LARGE1: variants seen among roughly 807,000 people sequenced by gnomAD.
The protein encoded by LARGE1 is LARGE xylosyl- and glucuronyltransferase 1.
LARGE1 carries 43 observed loss-of-function variants against 87.6 expected under a neutral mutation model. That is an observed-to-expected ratio of 0.49 (90% confidence interval 0.38 to 0.63). The LOEUF is 0.63. Among genes scored for constraint, LARGE1 ranks in the 30% least tolerant of loss-of-function variants. LARGE1 has a pLI of 0.00. For synonymous variants in LARGE1, 434 were observed against 394.6 expected (o/e 1.10, Z -1.18); for missense variants, 802 against 1,000.2 (o/e 0.80, Z 2.67).
chr22:33,609,752 T>C (rs915303673), intron 4 of LARGE1, among the ~76,000 whole-genome samples: 1 of 152,120 alleles, frequency 6.6e-6, no homozygotes, highest in Non-Finnish European at 1.5e-5. Flanking sequence ...AGGTGAGGCC[T>C]GATGGTTAGT....
At chr22:33,245,478 G>C (rs546809212) in intron 11 of LARGE1, among the ~76,000 whole-genome samples, 8 of 152,348 alleles carry the variant, frequency 5.3e-5, no homozygotes, top group Admixed American at 2.6e-4. Context: ...GCTTTGACTG[G>C]ACCATTTCTA....
chr22:33,392,864 G>GT (rs1404266131), intron 7 of LARGE1, among the ~76,000 whole-genome samples: 3 of 152,162 alleles, frequency 2.0e-5, no homozygotes, highest in South Asian at 4.1e-4. Flanking sequence ...CAAAATTCCC[G>GT]TGAGTGTGAA....
At position 33,864,491 on chromosome 22, in the gene LARGE1, G is replaced by A. The variant is rs547158575; in HGVS notation, c.-83+55504C>T. On this transcript the variant is annotated intron_variant, in intron 1 of 14. Coordinates refer to ENST00000397394, the MANE Select transcript of LARGE1 (RefSeq NM_133642.5). Reference sequence around the variant, plus strand: ...TGCAGGTGGCCTTGGAGTGGAGAGCGCCTAAGTCTTCTTCCTTTACTTGTT... The same window carrying A: ...TGCAGGTGGCCTTGGAGTGGAGAGCACCTAAGTCTTCTTCCTTTACTTGTT... Among the ~76,000 whole-genome samples the A allele has an allele frequency of 5.9e-5, 9 of 152,280 alleles. No homozygotes were observed. In the South Asian group the frequency reaches 1.7e-3, roughly 28 times the overall value.
intron 6 of LARGE1, among the ~76,000 whole-genome samples, chr22:33,541,501 C>A (rs1029800182): frequency 6.6e-6 from 1 of 152,140 alleles, no homozygotes; most frequent in African/African-American, 2.4e-5. Context: ...TCATTCTTTA[C>A]CTTTGTGCTG....
intron 3 of LARGE1, among the ~76,000 whole-genome samples, chr22:33,641,823 G>T (rs893073840): frequency 6.6e-6 from 1 of 151,968 alleles, no homozygotes; most frequent in African/African-American, 2.4e-5. Flanking sequence ...GTGAAGACAA[G>T]ATTAAAGGAA....
intron 5 of LARGE1, among the ~76,000 whole-genome samples, chr22:33,599,177 CT>C (rs34111432): frequency 0.085 from 12,937 of 152,222 alleles, 679 homozygotes; most frequent in African/African-American, 0.14. Context: ...CATACCATTT[CT>C]TTTGGGAAGG....
intron 3 of LARGE1, among the ~76,000 whole-genome samples, chr22:33,638,190 T>C (rs2080324397): frequency 1.3e-5 from 2 of 152,192 alleles, no homozygotes; most frequent in African/African-American, 4.8e-5. Flanking sequence ...TGGGTTATTA[T>C]GTAAAGTCCA....
At chr22:33,678,876 C>T (rs907999316) in intron 2 of LARGE1, among the ~76,000 whole-genome samples, 11 of 152,160 alleles carry the variant, frequency 7.2e-5, no homozygotes, top group African/African-American at 1.9e-4. Flanking sequence ...TTCCCTGATG[C>T]GCATCTAACG....
At chr22:33,741,895 C>T (rs1203379234) in intron 2 of LARGE1, among the ~76,000 whole-genome samples, 3 of 152,138 alleles carry the variant, frequency 2.0e-5, no homozygotes, top group Admixed American at 6.5e-5. Context: ...AGCCTCTGTT[C>T]GGGCAAAGAA....
chr22:33,862,912 C>T (rs1014014199), intron 1 of LARGE1, among the ~76,000 whole-genome samples: 2 of 151,936 alleles, frequency 1.3e-5, no homozygotes, highest in African/African-American at 4.8e-5. Flanking sequence ...TAGCACGCAC[C>T]GAGTCCTCAC....
At chr22:33,145,400 C>T in the LARGE1 span, among the ~76,000 whole-genome samples, 2 of 152,284 alleles carry the variant, frequency 1.3e-5, no homozygotes, top group Non-Finnish European at 2.9e-5. Flanking sequence ...GTTCTTCATT[C>T]TCCTGCACCA....
At chr22:33,745,793 C>T (rs935133048) in intron 2 of LARGE1, among the ~76,000 whole-genome samples, 1 of 152,006 alleles carries the variant, frequency 6.6e-6, no homozygotes, top group East Asian at 1.9e-4. Flanking sequence ...AAGACACAAC[C>T]GAGCCCACTG....
At chr22:33,295,573 A>G (rs112104662) in intron 12 of LARGE1, among the ~76,000 whole-genome samples, 17 of 152,318 alleles carry the variant, frequency 1.1e-4, no homozygotes, top group African/African-American at 4.1e-4. Flanking sequence ...GGAAGGAGCC[A>G]CCTGTGCTGC....
chr22:33,533,440 A>G (rs1203099081), intron 6 of LARGE1, among the ~76,000 whole-genome samples: 1 of 152,102 alleles, frequency 6.6e-6, no homozygotes, highest in East Asian at 1.9e-4. Flanking sequence ...GGCCCCTTGG[A>G]AACTTTGCGG....
chr22:33,461,777 T>C (rs1215216553), intron 6 of LARGE1, among the ~76,000 whole-genome samples: 2 of 152,060 alleles, frequency 1.3e-5, no homozygotes, highest in African/African-American at 4.8e-5. Context: ...TTTACTCTCT[T>C]TGGGAGAAGC....
chr22:33,853,589 A>G (rs2063672266), intron 1 of LARGE1, among the ~76,000 whole-genome samples: 1 of 152,260 alleles, frequency 6.6e-6, no homozygotes, highest in Non-Finnish European at 1.5e-5. Context: ...TCACAGATAC[A>G]TGTGGCCTAC....
intron 1 of LARGE1, among the ~76,000 whole-genome samples, chr22:33,826,474 C>A (rs1353879011): frequency 6.6e-6 from 1 of 151,942 alleles, no homozygotes; most frequent in African/African-American, 2.4e-5. Flanking sequence ...TCCTGAGTAG[C>A]TGGGATTACA....
intron 6 of LARGE1, among the ~76,000 whole-genome samples, chr22:33,519,153 C>A (rs1185907865): frequency 3.3e-5 from 5 of 152,146 alleles, no homozygotes; most frequent in Non-Finnish European, 7.3e-5. Context: ...GAATGAAGAT[C>A]CAAGTCAAGA....
At chr22:33,443,860 T>G (rs2067586666) in intron 6 of LARGE1, among the ~76,000 whole-genome samples, 1 of 152,236 alleles carries the variant, frequency 6.6e-6, no homozygotes, top group Admixed American at 6.5e-5. Context: ...TTTATAACAC[T>G]GACTCCCAGG....
Sources: gnomAD v4.1 joint callset for allele counts (sites outside exome capture counted in the v4.1 genomes callset) on GRCh38, gnomAD v4.1.1 for gene constraint, MANE v1.5 for transcripts, NCBI Gene and HGNC (gene_info 2026-07-23, HGNC 2026-07-21) for gene names.